Variants in MGAT4C observed in about 807,000 individuals in gnomAD.
MGAT4C encodes the protein MGAT4 family member C.
In MGAT4C, 19 loss-of-function variants were observed where a neutral mutation model predicts 40.1. That is an observed-to-expected ratio of 0.47 (90% CI 0.33 to 0.70). The LOEUF (loss-of-function observed/expected upper bound fraction) is 0.70, where lower values mean the gene tolerates loss of function less well. MGAT4C is among the 30% of genes least tolerant of loss of function. MGAT4C has a pLI of 0.02. For synonymous variants in MGAT4C, 181 were observed against 187.1 expected, an observed-to-expected ratio of 0.97 and a Z score of 0.27; for missense variants, 491 against 563.2, an observed-to-expected ratio of 0.87 and a Z score of 1.30.
At chr12:86,736,998 C>T (rs1950996021) in intron 1 of MGAT4C, among the ~76,000 whole-genome samples, 1 of 147,824 alleles carries the variant, frequency 6.8e-6, no homozygotes, top group Non-Finnish European at 1.5e-5. Flanking sequence ...CAACATCAAG[C>T]TAACTTGCAA....
intron 3 of MGAT4C, among the ~76,000 whole-genome samples, chr12:86,366,211 A>G (rs1011845617): frequency 4.6e-5 from 7 of 152,182 alleles, no homozygotes; most frequent in African/African-American, 1.4e-4. Context: ...ACTGGTGTAT[A>G]GAAATGTTAC....
chr12:86,793,575 C>G (rs1952063265), intron 1 of MGAT4C, among the ~76,000 whole-genome samples: 1 of 151,962 alleles, frequency 6.6e-6, no homozygotes, highest in Non-Finnish European at 1.5e-5. Flanking sequence ...AATAGAGTTA[C>G]AATTACACAC....
rs903014749 is a variant in MGAT4C, at chr12:86,578,296, G to A, written c.-228-143031C>T. On this transcript the variant is annotated intron_variant, in intron 2 of 7. Coordinates refer to the MGAT4C transcript ENST00000548651. ...GACATGTGGTGACATCAGAAATATAGACTTCACCTACCTTCTGTATTATTT... is the reference window on the plus strand; with the variant it reads ...GACATGTGGTGACATCAGAAATATAAACTTCACCTACCTTCTGTATTATTT... 2.6e-5 allele frequency among the ~76,000 whole-genome samples: 4 copies of A among 151,766 alleles called. No individual in the cohort carries two copies. The South Asian group carries it at 6.2e-4, about 24-fold the overall frequency.
At chr12:86,375,062 C>G (rs1955799330) in intron 3 of MGAT4C, among the ~76,000 whole-genome samples, 2 of 152,050 alleles carry the variant, frequency 1.3e-5, no homozygotes, top group African/African-American at 4.8e-5. Context: ...CCCCCTTCAG[C>G]TAAAGTAAAT....
At chr12:86,720,786 G>A (rs1427602770) in intron 2 of MGAT4C, among the ~76,000 whole-genome samples, 1 of 152,086 alleles carries the variant, frequency 6.6e-6, no homozygotes, top group East Asian at 1.9e-4. Flanking sequence ...AATGAAATTT[G>A]GATTTAGTCA....
At chr12:86,577,261 T>C (rs926806799) in intron 2 of MGAT4C, among the ~76,000 whole-genome samples, 4 of 151,888 alleles carry the variant, frequency 2.6e-5, no homozygotes, top group Non-Finnish European at 4.4e-5. Flanking sequence ...ATAAGAATAA[T>C]TTAACTTATG....
chr12:86,376,462 G>T (rs1485567580), intron 3 of MGAT4C, among the ~76,000 whole-genome samples: 1 of 151,988 alleles, frequency 6.6e-6, no homozygotes, highest in Non-Finnish European at 1.5e-5. Flanking sequence ...CAATTTTTTA[G>T]TCAGAATGTA....
chr12:86,349,449 G>C (rs1955111292), intron 3 of MGAT4C, among the ~76,000 whole-genome samples: 1 of 152,088 alleles, frequency 6.6e-6, no homozygotes, highest in Non-Finnish European at 1.5e-5. Flanking sequence ...TTCCTTGTAG[G>C]TTCCTGAGCT....
chr12:86,052,615 T>C (rs1004820762), intron 1 of MGAT4C, among the ~76,000 whole-genome samples: 1 of 151,938 alleles, frequency 6.6e-6, no homozygotes, highest in African/African-American at 2.4e-5. Context: ...GCAAAATGTA[T>C]TGCAGATTGG....
At chr12:86,722,034 A>T (rs545684958) in intron 2 of MGAT4C, among the ~76,000 whole-genome samples, 20 of 152,244 alleles carry the variant, frequency 1.3e-4, no homozygotes, top group African/African-American at 4.1e-4. Flanking sequence ...TCCTAGATTA[A>T]GCAAATATCA....
chr12:86,522,043 T>C (rs1264980092), intron 2 of MGAT4C, among the ~76,000 whole-genome samples: 1 of 152,184 alleles, frequency 6.6e-6, no homozygotes, highest in Non-Finnish European at 1.5e-5. Flanking sequence ...TCATGTCATC[T>C]GCAAACCGGG....
At chr12:86,803,784 G>T (rs1409405213) in intron 1 of MGAT4C, among the ~76,000 whole-genome samples, 1 of 150,034 alleles carries the variant, frequency 6.7e-6, no homozygotes, top group African/African-American at 2.5e-5. Context: ...TGGAGAGGAT[G>T]TGGAGAAATA....
At chr12:86,346,086 C>A (rs1955026250) in intron 3 of MGAT4C, among the ~76,000 whole-genome samples, 1 of 152,072 alleles carries the variant, frequency 6.6e-6, no homozygotes, top group Non-Finnish European at 1.5e-5. Context: ...AAATTTCAAC[C>A]AAATTTAAAT....
intron 1 of MGAT4C, among the ~76,000 whole-genome samples, chr12:86,205,957 A>G (rs1950235046): frequency 6.6e-6 from 1 of 152,014 alleles, no homozygotes; most frequent in African/African-American, 2.4e-5. Flanking sequence ...CACCAAAAAA[A>G]AAAAAAAATT....
At chr12:86,464,449 C>A (rs1395931775) in intron 2 of MGAT4C, among the ~76,000 whole-genome samples, 1 of 152,102 alleles carries the variant, frequency 6.6e-6, no homozygotes, top group Non-Finnish European at 1.5e-5. Flanking sequence ...AACGTGCACA[C>A]CTGCTTATAT....
At chr12:86,366,010 C>A (rs958685032) in intron 3 of MGAT4C, among the ~76,000 whole-genome samples, 1 of 152,128 alleles carries the variant, frequency 6.6e-6, no homozygotes, top group Non-Finnish European at 1.5e-5. Context: ...TTGATTCTTC[C>A]AATCCATGAG....
chr12:86,386,589 T>G (rs1442321273), intron 3 of MGAT4C, among the ~76,000 whole-genome samples: 1 of 152,208 alleles, frequency 6.6e-6, no homozygotes, highest in African/African-American at 2.4e-5. Flanking sequence ...CATAGCTTAT[T>G]TGCCTTCATT....
chr12:86,553,823 A>G (rs1273005190), intron 2 of MGAT4C, among the ~76,000 whole-genome samples: 2 of 152,138 alleles, frequency 1.3e-5, no homozygotes, highest in Non-Finnish European at 2.9e-5. Flanking sequence ...ATCCTTTACT[A>G]CTTCACTCAT....
intron 1 of MGAT4C, among the ~76,000 whole-genome samples, chr12:86,150,028 T>C (rs889650411): frequency 2.0e-5 from 3 of 152,138 alleles, no homozygotes; most frequent in African/African-American, 7.2e-5. Flanking sequence ...GGAGACAATG[T>C]TTTCATGAAC....
Sources: gnomAD v4.1 joint callset for allele counts (sites outside exome capture counted in the v4.1 genomes callset) on GRCh38, gnomAD v4.1.1 for gene constraint, MANE v1.5 for transcripts, NCBI Gene and HGNC (gene_info 2026-07-23, HGNC 2026-07-21) for gene names.